EEFSEC: variants seen among roughly 807,000 people sequenced by gnomAD.
EEFSEC encodes the protein selenocysteine-specific elongation factor.
EEFSEC carries 43 observed loss-of-function variants against 42.1 expected under a neutral mutation model. That is an observed-to-expected ratio of 1.02 (90% CI 0.80 to 1.32). The LOEUF is 1.32. EEFSEC is among the 40% of genes most tolerant of loss of function. The pLI, the probability that EEFSEC is intolerant of heterozygous loss-of-function variation, is 0.00. For synonymous variants in EEFSEC, 354 were observed against 339.1 expected (o/e 1.04, Z -0.48); for missense variants, 745 against 803.6 (o/e 0.93, Z 0.88).
At chr3:128,257,707 T>G (rs2066254789) in intron 2 of EEFSEC, among the ~76,000 whole-genome samples, 1 of 152,256 alleles carries the variant, frequency 6.6e-6, no homozygotes, top group Non-Finnish European at 1.5e-5. Context: ...AATTAAATTA[T>G]GTTGTTACAG....
chr3:128,201,898 C>G (rs2065647458), intron 1 of EEFSEC, among the ~76,000 whole-genome samples: 1 of 152,128 alleles, frequency 6.6e-6, no homozygotes, highest in Non-Finnish European at 1.5e-5. Flanking sequence ...AGATGGGGGT[C>G]AAAGTAGATT....
At chr3:128,375,288 G>A (rs2067696563) in intron 6 of EEFSEC, among the ~76,000 whole-genome samples, 1 of 152,194 alleles carries the variant, frequency 6.6e-6, no homozygotes, top group African/African-American at 2.4e-5. Flanking sequence ...CTGGGGATTG[G>A]TAAAGCCACT....
intron 1 of EEFSEC, among the ~76,000 whole-genome samples, chr3:128,238,959 A>G (rs1430468759): frequency 1.3e-5 from 2 of 152,296 alleles, no homozygotes; most frequent in South Asian, 2.1e-4. Flanking sequence ...TTGACTCTTA[A>G]TGCATCATGG....
chr3:128,416,581 G>T, the EEFSEC span, among the ~76,000 whole-genome samples: 2 of 152,206 alleles, frequency 1.3e-5, no homozygotes, highest in Admixed American at 1.3e-4. Context: ...GGGAAGTTGG[G>T]GCTGTGACAG....
At chr3:128,261,935 C>T (rs998842571) in intron 2 of EEFSEC, among the ~76,000 whole-genome samples, 193 bp from the exon 3 acceptor site, 10 of 152,104 alleles carry the variant, frequency 6.6e-5, no homozygotes, top group South Asian at 2.1e-4. Flanking sequence ...TTCCCCCAGA[C>T]GGGGAAATTT....
intron 5 of EEFSEC, among the ~76,000 whole-genome samples, chr3:128,348,264 G>A (rs2067337997): frequency 7.5e-6 from 1 of 133,934 alleles, no homozygotes; most frequent in Non-Finnish European, 1.5e-5. Flanking sequence ...GTGTGTGTGT[G>A]TGTGTGCGTG....
intron 4 of EEFSEC, among the ~76,000 whole-genome samples, chr3:128,326,143 T>C (rs2067061262): frequency 6.6e-6 from 1 of 152,208 alleles, no homozygotes; most frequent in South Asian, 2.1e-4. Context: ...ACAACTGCAG[T>C]GAGGAACAGA....
intron 6 of EEFSEC, among the ~76,000 whole-genome samples, chr3:128,393,263 T>G (rs964189733): frequency 1.3e-5 from 2 of 152,214 alleles, no homozygotes; most frequent in Non-Finnish European, 2.9e-5. Flanking sequence ...CCCAGGCACC[T>G]GCAGAGCTGA....
chr3:128,308,005 A>G (rs764169620), intron 4 of EEFSEC, among the ~76,000 whole-genome samples: 2 of 152,256 alleles, frequency 1.3e-5, no homozygotes, highest in Non-Finnish European at 2.9e-5. Context: ...TGGGCATAAC[A>G]GTGCCCATCT....
chr3:128,181,001 A>C (rs1259033982), intron 1 of EEFSEC, among the ~76,000 whole-genome samples: 1 of 152,058 alleles, frequency 6.6e-6, no homozygotes, highest in Non-Finnish European at 1.5e-5. Context: ...TTGAGAGATC[A>C]CTCCTGGGTA....
intron 1 of EEFSEC, 122 bp downstream of exon 1, chr3:128,153,945 C>T (rs1341586066): frequency 1.5e-6 from 2 of 1,344,362 alleles, no homozygotes; most frequent in Non-Finnish European, 1.9e-6. Flanking sequence ...TGGTGGGGCT[C>T]CTGACGCCCC....
intron 1 of EEFSEC, among the ~76,000 whole-genome samples, chr3:128,213,608 G>T (rs115303617): frequency 3.5e-4 from 54 of 152,132 alleles, no homozygotes; most frequent in Non-Finnish European, 5.9e-4. Context: ...GGGGGAGTCA[G>T]GTGAAGCTGG....
downstream of EEFSEC, among the ~76,000 whole-genome samples, chr3:128,412,605 T>C (rs1559965379): frequency 1.3e-5 from 2 of 152,242 alleles, no homozygotes; most frequent in African/African-American, 4.8e-5. Context: ...GGGGCCCGTG[T>C]GCCTGCTTGC....
intron 1 of EEFSEC, among the ~76,000 whole-genome samples, chr3:128,235,379 C>G (rs1372125802): frequency 6.6e-6 from 1 of 152,082 alleles, no homozygotes; most frequent in Non-Finnish European, 1.5e-5. Flanking sequence ...TGAAGCTTTA[C>G]TTTTAAAAAT....
At chr3:128,179,886 T>TAA (rs371378976) in intron 1 of EEFSEC, among the ~76,000 whole-genome samples, 1 of 147,776 alleles carries the variant, frequency 6.8e-6, no homozygotes, top group African/African-American at 2.5e-5. Flanking sequence ...CTTATCAGAG[T>TAA]AAAAAAAAAA....
At chr3:128,271,993 C>T in intron 4 of EEFSEC, among the ~76,000 whole-genome samples, 1 of 152,202 alleles carries the variant, frequency 6.6e-6, no homozygotes, top group East Asian at 1.9e-4. Flanking sequence ...TCAGGCAGTA[C>T]TCTGGTTTCA....
intron 4 of EEFSEC, among the ~76,000 whole-genome samples, chr3:128,282,659 C>T (rs1029882982): frequency 1.3e-5 from 2 of 152,148 alleles, no homozygotes; most frequent in African/African-American, 4.8e-5. Context: ...TCACCGGGGA[C>T]TTGGTATGTG....
intron 4 of EEFSEC, among the ~76,000 whole-genome samples, chr3:128,339,901 G>T (rs1228531670): frequency 6.6e-6 from 1 of 152,156 alleles, no homozygotes; most frequent in African/African-American, 2.4e-5. Context: ...AGTTAAAGGG[G>T]TTTCCCCTTA....
intron 3 of EEFSEC, 25 bp downstream of exon 3, chr3:128,262,249 G>A (rs2066306181): frequency 1.2e-6 from 2 of 1,607,580 alleles, no homozygotes; most frequent in African/African-American, 2.7e-5. Flanking sequence ...AATCCAGGTT[G>A]CCCTTTAGCC....
Sources: allele counts gnomAD v4.1 joint callset (sites outside exome capture counted in the v4.1 genomes callset), GRCh38; gene constraint gnomAD v4.1.1; transcripts MANE v1.5; gene names NCBI Gene and HGNC (gene_info 2026-07-23, HGNC 2026-07-21).